Variants in RBFOX1 observed in about 807,000 individuals in gnomAD.
The protein encoded by RBFOX1 is RNA binding fox-1 homolog 1, also known as RNA binding protein fox-1 homolog 1.
In RBFOX1, 8 loss-of-function variants were observed where a neutral mutation model predicts 57.7. The ratio of observed to expected loss-of-function variants is 0.14; its 90% confidence interval spans 0.08 to 0.25. The LOEUF is 0.25. Among genes scored for constraint, RBFOX1 ranks in the 10% least tolerant of loss-of-function variants. RBFOX1 has a pLI of 1.00. For synonymous variants in RBFOX1, 326 were observed against 222.4 expected, an observed-to-expected ratio of 1.47 and a Z score of -4.15; for missense variants, 611 against 548.5, an observed-to-expected ratio of 1.11 and a Z score of -1.14.
At chr16:6,874,608 A>G (rs909210642) in intron 3 of RBFOX1, among the ~76,000 whole-genome samples, 6 of 151,980 alleles carry the variant, frequency 3.9e-5, no homozygotes, top group African/African-American at 1.5e-4. Context: ...TAACTCAGGA[A>G]TGGAAACCAA....
At chr16:7,445,970 C>G (rs556628976) in intron 4 of RBFOX1, among the ~76,000 whole-genome samples, 5 of 152,156 alleles carry the variant, frequency 3.3e-5, no homozygotes, top group African/African-American at 1.2e-4. Flanking sequence ...CTAAAGAAGC[C>G]CATTTCAAGA....
chr16:7,607,603 T>A (rs142282931), intron 10 of RBFOX1, among the ~76,000 whole-genome samples: 1 of 152,164 alleles, frequency 6.6e-6, no homozygotes, highest in Non-Finnish European at 1.5e-5. Context: ...AAAAAAAGCA[T>A]TGTGACTTTG....
At chr16:7,208,844 A>C (rs1019488629) in intron 4 of RBFOX1, among the ~76,000 whole-genome samples, 2 of 152,094 alleles carry the variant, frequency 1.3e-5, no homozygotes, top group African/African-American at 4.8e-5. Flanking sequence ...GTCTGTAAGC[A>C]AACAGATAAA....
intron 5 of RBFOX1, among the ~76,000 whole-genome samples, chr16:7,525,379 A>G (rs1328396790): frequency 6.6e-6 from 1 of 152,088 alleles, no homozygotes; most frequent in Non-Finnish European, 1.5e-5. Flanking sequence ...TGCACTGTTG[A>G]TATTTACCAT....
chr16:7,216,125 T>C (rs1407131667), intron 4 of RBFOX1, among the ~76,000 whole-genome samples: 1 of 152,192 alleles, frequency 6.6e-6, no homozygotes, highest in Non-Finnish European at 1.5e-5. Flanking sequence ...TATAGATGCG[T>C]TGCCAGACAA....
intron 1 of RBFOX1, among the ~76,000 whole-genome samples, chr16:6,288,385 A>T (rs1010932861): frequency 6.6e-6 from 1 of 152,158 alleles, no homozygotes; most frequent in Non-Finnish European, 1.5e-5. Flanking sequence ...AGAGCCTGAG[A>T]TTCTGCTTTT....
chr16:7,109,803 A>G (rs889449579), intron 4 of RBFOX1, among the ~76,000 whole-genome samples: 1 of 152,254 alleles, frequency 6.6e-6, no homozygotes, highest in Middle Eastern at 3.4e-3. Flanking sequence ...ACAAACCTGA[A>G]TTGACACCTT....
intron 4 of RBFOX1, among the ~76,000 whole-genome samples, chr16:7,177,488 T>TAA (rs78279616): frequency 1.7e-3 from 244 of 143,536 alleles, no homozygotes; most frequent in African/African-American, 4.9e-3. Flanking sequence ...TATGTATCAA[T>TAA]AAAAAAAAAA....
At chr16:6,122,434 A>G (rs1567508064) in intron 1 of RBFOX1, among the ~76,000 whole-genome samples, 1 of 151,974 alleles carries the variant, frequency 6.6e-6, no homozygotes. Context: ...GAATTCTTGA[A>G]TGAACAAATG....
chr16:5,761,638 G>C (rs931223447), intron 3 of RBFOX1, among the ~76,000 whole-genome samples: 1 of 152,134 alleles, frequency 6.6e-6, no homozygotes, highest in Non-Finnish European at 1.5e-5. Context: ...AACAACATGA[G>C]GGTAACTGCC....
At chr16:6,884,373 C>G (rs550556412) in intron 3 of RBFOX1, among the ~76,000 whole-genome samples, 2 of 152,282 alleles carry the variant, frequency 1.3e-5, no homozygotes, top group East Asian at 1.9e-4. Flanking sequence ...AACAGTTGCT[C>G]TGCCCTCAGT....
intron 11 of RBFOX1, among the ~76,000 whole-genome samples, chr16:7,633,953 A>G (rs983764745): frequency 3.3e-5 from 5 of 152,166 alleles, no homozygotes; most frequent in Non-Finnish European, 5.9e-5. Context: ...ATTTCCTGCA[A>G]CAGGTCAGCT....
chr16:6,859,169 A>ATG (rs1555536996), intron 3 of RBFOX1, among the ~76,000 whole-genome samples: 8 of 72,376 alleles, frequency 1.1e-4, no homozygotes, highest in African/African-American at 4.2e-4. Context: ...ATATACGTAT[A>ATG]TATATGTATA....
intron 3 of RBFOX1, among the ~76,000 whole-genome samples, chr16:6,882,387 C>T (rs932333870): frequency 1.3e-5 from 2 of 151,996 alleles, no homozygotes; most frequent in Non-Finnish European, 1.5e-5. Flanking sequence ...CTCTCTGATT[C>T]TCTCTCTTCC....
intron 2 of RBFOX1, among the ~76,000 whole-genome samples, chr16:6,535,973 TC>T (rs1421448774): frequency 6.6e-6 from 1 of 152,202 alleles, no homozygotes; most frequent in Non-Finnish European, 1.5e-5. Context: ...TTAGTTTCTA[TC>T]CAACGACTTC....
intron 1 of RBFOX1, among the ~76,000 whole-genome samples, chr16:5,408,483 C>T (rs2066922784): frequency 6.6e-6 from 1 of 152,200 alleles, no homozygotes; most frequent in South Asian, 2.1e-4. Context: ...AGTGGGTTCT[C>T]ACACTGTGCC....
chr16:5,877,857 C>T (rs1317416291), intron 4 of RBFOX1, among the ~76,000 whole-genome samples: 1 of 152,142 alleles, frequency 6.6e-6, no homozygotes, highest in African/African-American at 2.4e-5. Flanking sequence ...TGGGTGTTCC[C>T]ATGGTGATGA....
intron 3 of RBFOX1, among the ~76,000 whole-genome samples, chr16:6,887,363 C>T (rs959423607): frequency 6.6e-6 from 1 of 152,066 alleles, no homozygotes; most frequent in East Asian, 1.9e-4. Context: ...GTTGACAGTT[C>T]TCCCTGGCCT....
intron 1 of RBFOX1, among the ~76,000 whole-genome samples, chr16:6,212,892 T>A (rs2097308007): frequency 6.6e-6 from 1 of 152,182 alleles, no homozygotes; most frequent in South Asian, 2.1e-4. Context: ...AAAAGTCTGT[T>A]ATTAACGAAG....
Sources: allele counts gnomAD v4.1 joint callset (sites outside exome capture counted in the v4.1 genomes callset), GRCh38; gene constraint gnomAD v4.1.1; transcripts MANE v1.5; gene names NCBI Gene and HGNC (gene_info 2026-07-23, HGNC 2026-07-21).